Variants in PCDH15 observed in about 807,000 individuals in gnomAD.
PCDH15 encodes the protein protocadherin related 15.
PCDH15 carries 129 observed loss-of-function variants against 178.5 expected under a neutral mutation model. The ratio of observed to expected loss-of-function variants is 0.72; its 90% CI spans 0.63 to 0.84. The LOEUF (loss-of-function observed/expected upper bound fraction) is 0.84, where lower values mean the gene tolerates loss of function less well. Among genes scored for constraint, PCDH15 ranks in the 40% least tolerant of loss-of-function variants. The pLI is 0.00. For synonymous variants in PCDH15, 800 were observed against 732.0 expected (o/e 1.09, Z -1.50); for missense variants, 2,230 against 2,099.9 (o/e 1.06, Z -1.21).
At chr10:54,994,035 G>A (rs1346548441) in intron 2 of PCDH15, among the ~76,000 whole-genome samples, 1 of 152,040 alleles carries the variant, frequency 6.6e-6, no homozygotes. Context: ...TCACTTGAAA[G>A]AAGCAAAGTT....
At chr10:55,133,032 TTA>T (rs2132079603) in intron 2 of PCDH15, among the ~76,000 whole-genome samples, 1 of 152,318 alleles carries the variant, frequency 6.6e-6, no homozygotes, top group South Asian at 2.1e-4. Context: ...AGGAGATATT[TTA>T]GCACATGAGA....
At chr10:54,324,746 C>T in intron 7 of PCDH15, among the ~76,000 whole-genome samples, 1 of 151,946 alleles carries the variant, frequency 6.6e-6, no homozygotes, top group Non-Finnish European at 1.5e-5. Flanking sequence ...GCCTGGGTGA[C>T]AGAGCAAAAC....
chr10:55,077,531 C>T lies in PCDH15; in HGVS notation c.-80+89045G>A, dbSNP rs536235088. Among the ~76,000 whole-genome samples, 36 of 145,640 alleles carry T rather than the reference C, an allele frequency of 2.5e-4. No individual in the cohort carries two copies. In the Admixed American group the frequency reaches 2.5e-3, roughly 10 times the overall value. ...CCTTCCTTCCTTCTTTCCTTCCTTC[C>T]TTCCTTTCCTTTCTACCTTCCTTTC... On this transcript the variant is annotated intron_variant, in intron 2 of 5. Transcript: ENST00000458638.
intron 3 of PCDH15, among the ~76,000 whole-genome samples, chr10:54,404,340 A>G (rs1952338044): frequency 6.6e-6 from 1 of 152,066 alleles, no homozygotes; most frequent in Admixed American, 6.6e-5. Flanking sequence ...CCAATGGAAT[A>G]GAACAGAGAA....
intron 2 of PCDH15, among the ~76,000 whole-genome samples, chr10:54,539,079 T>C (rs1225685467): frequency 1.3e-5 from 2 of 152,224 alleles, no homozygotes; most frequent in Admixed American, 6.5e-5. Flanking sequence ...TCCATTTGTT[T>C]ATGTTATCTA....
At chr10:54,708,699 A>G (rs538807430) in intron 1 of PCDH15, among the ~76,000 whole-genome samples, 5 of 152,084 alleles carry the variant, frequency 3.3e-5, no homozygotes, top group Non-Finnish European at 7.4e-5. Context: ...CTTAGGCCTA[A>G]ACTGAACTAT....
intron 1 of PCDH15, among the ~76,000 whole-genome samples, chr10:54,723,689 C>A (rs1942027357): frequency 6.7e-6 from 1 of 149,870 alleles, no homozygotes; most frequent in South Asian, 2.1e-4. Context: ...GAAACTCGAA[C>A]AACTCAACAA....
chr10:54,402,252 A>G (rs1035618598), intron 3 of PCDH15, among the ~76,000 whole-genome samples: 1 of 152,006 alleles, frequency 6.6e-6, no homozygotes, highest in Non-Finnish European at 1.5e-5. Context: ...AAATATTTAC[A>G]TTAAAGAAAA....
intron 8 of PCDH15, among the ~76,000 whole-genome samples, chr10:54,265,343 T>C (rs1015911369): frequency 6.6e-6 from 1 of 152,004 alleles, no homozygotes; most frequent in African/African-American, 2.4e-5. Context: ...CCACAGACTC[T>C]ATAAAGCAAC....
At chr10:54,312,199 A>AAGAGACAATC (rs2060952356) in intron 8 of PCDH15, among the ~76,000 whole-genome samples, 1 of 152,124 alleles carries the variant, frequency 6.6e-6, no homozygotes, top group Non-Finnish European at 1.5e-5. Context: ...AAAATAGAAA[A>AAGAGACAATC]AGAGACAATC....
intron 13 of PCDH15, among the ~76,000 whole-genome samples, chr10:54,162,717 C>T (rs1372762007): frequency 9.2e-5 from 14 of 152,060 alleles, no homozygotes; most frequent in Admixed American, 9.2e-4. Flanking sequence ...TTATGACATG[C>T]CAGAATATGA....
At position 54,405,109 on chromosome 10, in the gene PCDH15, C is replaced by A. The variant is rs189699109; in HGVS notation, c.158-26167G>T. On this transcript the variant is annotated intron_variant, in intron 3 of 37. Coordinates refer to ENST00000644397, the MANE Select transcript of PCDH15 (RefSeq NM_001384140.1). ...GAGAGTGTGGTGATTCCTCACGGAC[C>A]TGAGAACAGAAATACCATCCGACCC... 3.4e-3 allele frequency among the ~76,000 whole-genome samples: 518 copies of A among 151,694 alleles called. 2 individuals are homozygous for A. Among genetic ancestry groups the A allele is most frequent in the African/African-American group, 0.012 (498 of 41,102 alleles).
rs370442031 is a variant in PCDH15, at chr10:54,214,027, C to T, written c.1007G>A (p.Arg336Gln). ...ILVGTPEDYPRFFHMHPRTAE... is the reference protein window; with the variant it reads ...ILVGTPEDYPQFFHMHPRTAE... ...TGTCCTAGGATGCATATGGAAAAAT[C>T]GTGGGTAATCCTCAGGAGTCCCTGG... Residue 336 changes from arginine to glutamine, a missense_variant, in exon 10 of 38, where the codon CGA (arginine) becomes CAA (glutamine). Physicochemically the swap from Arg to Gln is conservative, Grantham distance 43. Transcript: ENST00000644397. 18 of 1,606,966 alleles carry T rather than the reference C, an allele frequency of 1.1e-5. No individual in the cohort carries two copies. In the East Asian group the frequency reaches 1.8e-4, roughly 16 times the overall value.
At chr10:54,794,612 G>A (rs892098168) in intron 1 of PCDH15, among the ~76,000 whole-genome samples, 18 of 151,852 alleles carry the variant, frequency 1.2e-4, no homozygotes, top group Non-Finnish European at 1.0e-4. Flanking sequence ...CTTAAATGAA[G>A]GGCTTCATGC....
rs569622560 is a variant in PCDH15, at chr10:54,219,136, G to A, written c.986-5088C>T. ...AAAAAAAACAAAAAATTAGCCGGGC[G>A]TGGTGGTGGGCACCTGTAGTCCCAG... On this transcript the variant is annotated intron_variant, in intron 9 of 37. Transcript: ENST00000644397. 8.7e-5 allele frequency among the ~76,000 whole-genome samples: 13 copies of A among 150,058 alleles called. 1 individual carries two copies. The East Asian group carries it at 2.6e-3, about 30-fold the overall frequency.
intron 10 of PCDH15, among the ~76,000 whole-genome samples, chr10:54,207,907 C>T (rs1200708799): frequency 6.6e-6 from 1 of 152,022 alleles, no homozygotes; most frequent in Non-Finnish European, 1.5e-5. Flanking sequence ...TTTTCTTCAT[C>T]ATTAATTAGA....
intron 28 of PCDH15, among the ~76,000 whole-genome samples, chr10:53,851,671 AATATATATATATATATATAT>A (rs71004485): frequency 0.036 from 3,749 of 104,528 alleles, 163 homozygotes; most frequent in South Asian, 0.15. Context: ...TCCTCCTAGA[AATATATATATATATATATAT>A]ATATATATAT....
At chr10:55,099,833 C>T (rs983401000) in intron 2 of PCDH15, among the ~76,000 whole-genome samples, 8 of 152,038 alleles carry the variant, frequency 5.3e-5, no homozygotes, top group African/African-American at 1.9e-4. Flanking sequence ...TATCAGCTTT[C>T]TTCATTACTC....
chr10:54,871,874 C>T (rs865911658), intron 3 of PCDH15, among the ~76,000 whole-genome samples: 16 of 152,058 alleles, frequency 1.1e-4, no homozygotes, highest in East Asian at 3.9e-4. Flanking sequence ...CTCTATAGAA[C>T]GTAAGTTAAT....
Sources: gnomAD v4.1 joint callset for allele counts (sites outside exome capture counted in the v4.1 genomes callset) on GRCh38, gnomAD v4.1.1 for gene constraint, MANE v1.5 for transcripts, NCBI Gene and HGNC (gene_info 2026-07-23, HGNC 2026-07-21) for gene names.